The following SNX29 variants were observed in gnomAD, a reference collection of about 807,000 sequenced individuals.
SNX29 encodes sorting nexin 29.
In SNX29, 78 loss-of-function variants were observed where a neutral mutation model predicts 102.1. That is an observed-to-expected ratio of 0.76 (90% CI 0.64 to 0.92). SNX29 has a LOEUF of 0.92. Ranked by LOEUF, SNX29 falls within the 40% of genes least tolerant of loss-of-function variation. The pLI is 0.00. For synonymous variants in SNX29, 580 were observed against 414.5 expected (o/e 1.40, Z -4.85); for missense variants, 1,280 against 1,061.7 (o/e 1.21, Z -2.86).
chr16:12,149,469 C>G (rs1273856606), intron 13 of SNX29, among the ~76,000 whole-genome samples: 2 of 152,186 alleles, frequency 1.3e-5, no homozygotes, highest in African/African-American at 4.8e-5. Context: ...GGAAAATTCA[C>G]TTGTTTTGTT....
chr16:11,992,747 T>A (rs1431312499), intron 1 of SNX29, among the ~76,000 whole-genome samples: 1 of 152,214 alleles, frequency 6.6e-6, no homozygotes, highest in East Asian at 1.9e-4. Flanking sequence ...CAAAGAGCAT[T>A]GCCTTCTTTT....
At chr16:12,565,533 C>T (rs527714141) in intron 20 of SNX29, among the ~76,000 whole-genome samples, 47 of 152,258 alleles carry the variant, frequency 3.1e-4, no homozygotes, top group Middle Eastern at 3.4e-3. Context: ...CACATGGCCT[C>T]GAGGATTGAA....
intron 13 of SNX29, among the ~76,000 whole-genome samples, chr16:12,192,227 C>T (rs952793712): frequency 3.3e-5 from 5 of 152,204 alleles, no homozygotes; most frequent in South Asian, 4.2e-4. Flanking sequence ...GATTTGCTTT[C>T]GTTCCCATGC....
chr16:12,511,461 T>C (rs1432509193), intron 19 of SNX29, among the ~76,000 whole-genome samples: 4 of 152,190 alleles, frequency 2.6e-5, no homozygotes, highest in Non-Finnish European at 5.9e-5. Context: ...GCTTGGCATG[T>C]AGGAATCTGG....
chr16:12,043,121 T>C, intron 5 of SNX29, 44 bp downstream of exon 5: 1 of 1,604,022 alleles, frequency 6.2e-7, no homozygotes, highest in Non-Finnish European at 8.5e-7. Flanking sequence ...GAGCAAGAGG[T>C]GAAGATCTTG....
chr16:12,497,116 A>G (rs1182855685), intron 19 of SNX29, among the ~76,000 whole-genome samples: 1 of 152,214 alleles, frequency 6.6e-6, no homozygotes, highest in African/African-American at 2.4e-5. Flanking sequence ...CTCCAGGACC[A>G]ATGACTTCAG....
At chr16:12,321,050 G>C (rs560872613) in intron 15 of SNX29, among the ~76,000 whole-genome samples, 2 of 152,216 alleles carry the variant, frequency 1.3e-5, no homozygotes, top group East Asian at 3.9e-4. Context: ...TCCTCATCTA[G>C]CCTCCTCCAG....
intron 18 of SNX29, among the ~76,000 whole-genome samples, chr16:12,424,906 C>T (rs557948996): frequency 6.6e-6 from 1 of 152,174 alleles, no homozygotes; most frequent in Non-Finnish European, 1.5e-5. Context: ...TAATCAACCA[C>T]ATCAATAAAT....
intron 16 of SNX29, among the ~76,000 whole-genome samples, chr16:12,381,215 C>T (rs868328460): frequency 6.6e-4 from 15 of 22,850 alleles, no homozygotes; most frequent in African/African-American, 4.1e-3. Context: ...ACCATCCACC[C>T]ACCCACCCAC....
Position 12,356,287 on chromosome 16 carries a change from T to A in SNX29, c.1899+8T>A. 1 of 1,588,774 alleles carries A rather than the reference T, an allele frequency of 6.3e-7. No individual in the cohort carries two copies. The highest frequency in any genetic ancestry group is 1.8e-5 in the Admixed American group (1 of 56,314). On this transcript the variant is annotated splice_region_variant and intron_variant, in intron 16 of 20. Coordinates refer to ENST00000566228, the MANE Select transcript of SNX29 (RefSeq NM_032167.5). ...ATCGATCTCCGGGGACCGGTGAGTGTTTCCCCAACCCTGTGTGTCTGTCAA... is the reference window on the plus strand; with the variant it reads ...ATCGATCTCCGGGGACCGGTGAGTGATTCCCCAACCCTGTGTGTCTGTCAA...
At chr16:12,213,089 G>C (rs1241153076) in intron 14 of SNX29, among the ~76,000 whole-genome samples, 5 of 152,206 alleles carry the variant, frequency 3.3e-5, no homozygotes, top group Non-Finnish European at 7.3e-5. Flanking sequence ...ACTCCAGCCT[G>C]GGTGACAGAG....
At chr16:12,566,215 C>T (rs1343416757) in intron 20 of SNX29, among the ~76,000 whole-genome samples, 1 of 152,234 alleles carries the variant, frequency 6.6e-6, no homozygotes, top group East Asian at 1.9e-4. Flanking sequence ...CTAGGATATG[C>T]TTATGGTTGT....
intron 16 of SNX29, among the ~76,000 whole-genome samples, chr16:12,378,793 C>G (rs7191671): frequency 0.1 from 15,499 of 152,176 alleles, 920 homozygotes; most frequent in South Asian, 0.24. Flanking sequence ...TCTCACTGCT[C>G]CCTTCCGCTC....
At chr16:12,504,715 T>C (rs78439981) in intron 19 of SNX29, among the ~76,000 whole-genome samples, 9 of 152,362 alleles carry the variant, frequency 5.9e-5, no homozygotes, top group African/African-American at 2.2e-4. Flanking sequence ...TTATTGTTGT[T>C]AATCTCTTAC....
At chr16:12,319,746 C>T (rs1404709641) in intron 15 of SNX29, among the ~76,000 whole-genome samples, 6 of 150,966 alleles carry the variant, frequency 4.0e-5, no homozygotes, top group Non-Finnish European at 8.9e-5. Context: ...GTGCCCAGAG[C>T]AGCTCAGCCC....
intron 15 of SNX29, among the ~76,000 whole-genome samples, chr16:12,310,084 G>A (rs1218887025): frequency 6.7e-6 from 1 of 148,378 alleles, no homozygotes; most frequent in Non-Finnish European, 1.5e-5. Flanking sequence ...ATACACATGT[G>A]CACACATGCA....
intron 20 of SNX29, among the ~76,000 whole-genome samples, chr16:12,552,131 T>C (rs1325007858): frequency 1.3e-5 from 2 of 152,172 alleles, no homozygotes; most frequent in East Asian, 3.9e-4. Flanking sequence ...CGGAAATGCC[T>C]GAGAGGCCAC....
At chr16:12,334,955 C>G (rs879935937) in intron 15 of SNX29, among the ~76,000 whole-genome samples, 1 of 121,126 alleles carries the variant, frequency 8.3e-6, no homozygotes, top group Non-Finnish European at 1.6e-5. Context: ...TGATGTCATA[C>G]ACAAACCTTT....
In SNX29 at chr16:12,468,207, T is replaced by TCC. The variant is rs1567594740; in HGVS notation, c.2038-9512_2038-9511insCC. On this transcript the variant is annotated intron_variant, in intron 18 of 20. Coordinates refer to ENST00000566228, the MANE Select transcript of SNX29 (RefSeq NM_032167.5). ...TTTTTTTTTTTTTTAGGGGGAGTTT[T>TCC]ACTGTTTCCCAGGCTGGAGTGCAGT... Among the ~76,000 whole-genome samples, 13 of 56,308 alleles carry TCC rather than the reference T, an allele frequency of 2.3e-4. 2 individuals carry two copies. Among genetic ancestry groups the TCC allele is most frequent in the South Asian group, 1.4e-3 (2 of 1,436 alleles). The allele number at this position is 56,308 out of a possible 152,430, so 36.9% of individuals were successfully genotyped here.
Sources: allele counts gnomAD v4.1 joint callset (sites outside exome capture counted in the v4.1 genomes callset), GRCh38; gene constraint gnomAD v4.1.1; transcripts MANE v1.5; gene names NCBI Gene and HGNC (gene_info 2026-07-23, HGNC 2026-07-21).